The following ERICH3 variants were observed in gnomAD, a reference collection of about 807,000 sequenced individuals.
The protein encoded by ERICH3 is glutamate-rich protein 3.
A neutral mutation model predicts 131.1 loss-of-function variants in ERICH3; 126 were observed. That is an observed-to-expected ratio of 0.96 (90% CI 0.83 to 1.11). The LOEUF (loss-of-function observed/expected upper bound fraction) is 1.11. Among genes scored for constraint, ERICH3 ranks in the 50% most tolerant of loss-of-function variants. The pLI is 0.00. For missense variants in ERICH3, 2,050 were observed against 1,810.7 expected (o/e 1.13, Z -2.40); for synonymous variants, 695 against 644.6 (o/e 1.08, Z -1.18).
Position 74,649,316 on chromosome 1 carries a change from C to A in ERICH3, c.24-1G>T. ...AAGGCTATTATATGCAGCAAGTAACCTAAAATACAAAAATAAAACCAATAA... is the reference window on the plus strand; with the variant it reads ...AAGGCTATTATATGCAGCAAGTAACATAAAATACAAAAATAAAACCAATAA... On this transcript the variant is annotated splice_acceptor_variant, in intron 1 of 14. Coordinates refer to ENST00000326665, the MANE Select transcript of ERICH3 (RefSeq NM_001002912.5). LOFTEE classifies it high-confidence loss of function. The A allele has an allele frequency of 6.2e-7, 1 of 1,606,498 alleles. No individual in the cohort carries two copies.
intron 4 of ERICH3, among the ~76,000 whole-genome samples, 176 bp downstream of exon 4, chr1:74,642,851 T>A (rs907811634): frequency 6.6e-6 from 1 of 152,158 alleles, no homozygotes; most frequent in African/African-American, 2.4e-5. Flanking sequence ...CCTATATTTG[T>A]CACAATCTTC....
chr1:74,641,259 C>T (rs987126835), intron 5 of ERICH3, 72 bp downstream of exon 5: 2 of 1,530,124 alleles, frequency 1.3e-6, no homozygotes, highest in Non-Finnish European at 1.8e-6. Context: ...CAGAGAGTAT[C>T]CCTTCTGAGA....
intron 1 of ERICH3, among the ~76,000 whole-genome samples, chr1:74,651,706 T>TA (rs941083436): frequency 1.3e-5 from 2 of 152,066 alleles, no homozygotes; most frequent in African/African-American, 2.4e-5. Context: ...AGTTTTTTCT[T>TA]AAAAAAATCA....
Position 74,659,258 on chromosome 1 carries a change from A to G in ERICH3, c.24-9943T>C, listed in dbSNP as rs72968115. 7.6e-3 allele frequency among the ~76,000 whole-genome samples: 1,159 copies of G among 152,234 alleles called. 9 individuals are homozygous for G. Among genetic ancestry groups the G allele is most frequent in the African/African-American group, 0.013 (538 of 41,540 alleles). On this transcript the variant is annotated intron_variant, in intron 1 of 14. Transcript: ENST00000326665. ...GGGATAAGAGAGTACCATGGTGCCT[A>G]TCTTTACACTGTCCTCCTGCTAGAA...
chr1:74,601,828 T>C (rs190256432), intron 10 of ERICH3, among the ~76,000 whole-genome samples: 23 of 152,006 alleles, frequency 1.5e-4, no homozygotes, highest in South Asian at 1.0e-3. Flanking sequence ...ACTGACTATG[T>C]GACCGTGGGC....
rs1405497014 is a variant in ERICH3, at chr1:74,606,590, T to A, written c.1489+11A>T. On this transcript the variant is annotated intron_variant, in intron 10 of 14. Coordinates refer to ENST00000326665, the MANE Select transcript of ERICH3 (RefSeq NM_001002912.5). ...ACAGCTACAACAAAAGAAACTTGTG[T>A]TGTTGATTACCATATTTTAAAGTAT... 6.3e-6 allele frequency: 10 copies of A among 1,582,944 alleles called. No homozygotes were observed. The South Asian group carries it at 1.2e-4, about 18-fold the overall frequency.
intron 13 of ERICH3, 83 bp from the exon 14 acceptor site, chr1:74,573,574 T>C (rs1646999751): frequency 1.5e-6 from 2 of 1,348,504 alleles, no homozygotes; most frequent in African/African-American, 3.0e-5. Flanking sequence ...ATCACACTTA[T>C]TTACAGTGTG....
At chr1:74,577,847 A>G (rs1056552230) in intron 12 of ERICH3, among the ~76,000 whole-genome samples, 1 of 152,204 alleles carries the variant, frequency 6.6e-6, no homozygotes, top group African/African-American at 2.4e-5. Context: ...CTTTTATGAC[A>G]CCAATCATCA....
At chr1:74,609,302 C>T (rs1648549227) in intron 9 of ERICH3, among the ~76,000 whole-genome samples, 2 of 151,964 alleles carry the variant, frequency 1.3e-5, no homozygotes, top group South Asian at 2.1e-4. Flanking sequence ...AAATATAATT[C>T]TCTGTTGTTT....
rs1171527384 is a variant in ERICH3, at chr1:74,572,591, G to C, written c.3119C>G (p.Ala1040Gly). 6.2e-7 allele frequency: 1 copy of C among 1,613,796 alleles called. No individual in the cohort carries two copies. The highest frequency in any genetic ancestry group is 2.2e-5 in the East Asian group (1 of 44,836). Residue 1040 changes from alanine (A) to glycine (G), a missense_variant, in exon 14 of 15, where the codon GCT (alanine) becomes GGT (glycine). Coordinates refer to ENST00000326665, the MANE Select transcript of ERICH3 (RefSeq NM_001002912.5). ...TTCTTTCCTATCATCTTCCCTATTA[G>C]CTTCTGCCTCAGTCACCATCTCTTC... is the stretch of plus-strand genomic sequence containing the variant. Reference protein sequence around the residue: ...EGEEMVTEAEANREDDRKEIL... With the variant: ...EGEEMVTEAEGNREDDRKEIL...
intron 1 of ERICH3, among the ~76,000 whole-genome samples, chr1:74,658,803 G>C (rs937281377): frequency 6.6e-6 from 1 of 152,014 alleles, no homozygotes; most frequent in African/African-American, 2.4e-5. Flanking sequence ...ATTGACACTT[G>C]TACTCTATGA....
chr1:74,641,330 C>G lies in ERICH3; in HGVS notation c.444+1G>C. On this transcript the variant is annotated splice_donor_variant, in intron 5 of 14. Coordinates refer to ENST00000326665, the MANE Select transcript of ERICH3 (RefSeq NM_001002912.5). LOFTEE classifies it high-confidence loss of function. ...ATGACGAAGTGTTTAATATTACTCA[C>G]CAGTGCTAACGGACTGGAATGTCCT... 6.2e-7 allele frequency: 1 copy of G among 1,611,862 alleles called. No individual in the cohort carries two copies.
chr1:74,652,169 C>G (rs2100645111), intron 1 of ERICH3, among the ~76,000 whole-genome samples: 1 of 152,230 alleles, frequency 6.6e-6, no homozygotes, highest in South Asian at 2.1e-4. Flanking sequence ...ATTTTTTTAA[C>G]TGAAACTTTA....
chr1:74,589,726 G>T lies in ERICH3; in HGVS notation c.2081C>A (p.Ala694Glu), dbSNP rs1180306246. ...ACTCTTATCCTTTTCCTTTTCTTCT[G>T]CAGAAACATGTTTCCCGGACTTCTC... ...LSEKSGKHVSAEEKEKDKSKL... is the reference protein window; with the variant it reads ...LSEKSGKHVSEEEKEKDKSKL... Residue 694 changes from alanine (A) to glutamate (E), a missense_variant, in exon 12 of 15, where the codon GCA (alanine) becomes GAA (glutamate). Ala to Glu is a moderately radical substitution (Grantham distance 107). Transcript: ENST00000326665. 6.2e-7 allele frequency: 1 copy of T among 1,613,926 alleles called. No homozygotes were observed. Among genetic ancestry groups the T allele is most frequent in the Non-Finnish European group, 8.5e-7 (1 of 1,179,954 alleles).
At chr1:74,623,327 A>G (rs1214154236) in intron 7 of ERICH3, 1 of 152,236 alleles carries the variant, frequency 6.6e-6, no homozygotes, top group South Asian at 2.1e-4. Flanking sequence ...TTAACCCATC[A>G]GTCATTATAT....
At chr1:74,615,200 A>G (rs1648903539) in intron 8 of ERICH3, 1 of 152,168 alleles carries the variant, frequency 6.6e-6, no homozygotes, top group Non-Finnish European at 1.5e-5. Flanking sequence ...TGTATTTTAA[A>G]TACAGTGACA....
intron 6 of ERICH3, chr1:74,634,748 C>A: frequency 2.9e-6 from 2 of 685,060 alleles, no homozygotes; most frequent in South Asian, 1.6e-5. Flanking sequence ...ATTTCTAGTC[C>A]TAATGGCAAA....
Position 74,576,940 on chromosome 1 carries a change from G to GA in ERICH3, c.2177-5_2177-4insT. 1 of 1,513,616 alleles carries GA rather than the reference G, an allele frequency of 6.6e-7. No individual in the cohort carries two copies. Among genetic ancestry groups the GA allele is most frequent in the Non-Finnish European group, 9.0e-7 (1 of 1,113,328 alleles). 93.8% of individuals were successfully genotyped at this position (1,513,616 alleles called of 1,614,324 possible). A position where few individuals can be genotyped will look rare whatever the true frequency, so the allele number is the denominator to read the frequency against. ...GCTAATGGCAATGAATCCTTTCCTA[G>GA]TTAAAAAAAAAAAAAAGAAAAAAAA... On this transcript the variant is annotated splice_polypyrimidine_tract_variant and splice_region_variant and intron_variant, in intron 12 of 14. Coordinates refer to ENST00000326665, the MANE Select transcript of ERICH3 (RefSeq NM_001002912.5).
chr1:74,581,387 T>C (rs956608017), intron 12 of ERICH3, among the ~76,000 whole-genome samples: 3 of 152,162 alleles, frequency 2.0e-5, no homozygotes, highest in African/African-American at 7.2e-5. Flanking sequence ...GTTGTTGTTA[T>C]AGTGTGAGTG....
Sources: allele counts gnomAD v4.1 joint callset (sites outside exome capture counted in the v4.1 genomes callset), GRCh38; gene constraint gnomAD v4.1.1; transcripts MANE v1.5; gene names NCBI Gene and HGNC (gene_info 2026-07-23, HGNC 2026-07-21).